The following CPE variants were observed in gnomAD, a reference collection of about 807,000 sequenced individuals.
CPE encodes carboxypeptidase E, also known as carbocypeptidase E.
In CPE, 17 loss-of-function variants were observed where a neutral mutation model predicts 53.5. That is an observed-to-expected ratio of 0.32 (90% CI 0.22 to 0.48). The LOEUF (loss-of-function observed/expected upper bound fraction) is 0.48, where lower values mean the gene tolerates loss of function less well. Among genes scored for constraint, CPE ranks in the 20% least tolerant of loss-of-function variants. CPE has a pLI of 0.99. For missense variants in CPE, 524 were observed against 614.7 expected (o/e 0.85, Z 1.56); for synonymous variants, 226 against 228.8 (o/e 0.99, Z 0.11).
chr4:165,487,644 T>C, intron 6 of CPE, 67 bp downstream of exon 6: 1 of 1,559,408 alleles, frequency 6.4e-7, no homozygotes, highest in Non-Finnish European at 8.8e-7. Flanking sequence ...ACAATGGTCT[T>C]GTAAGAGGAG....
chr4:165,400,972 A>G (rs915570424), intron 1 of CPE, among the ~76,000 whole-genome samples: 14 of 152,160 alleles, frequency 9.2e-5, no homozygotes, highest in African/African-American at 3.4e-4. Context: ...AGTTTGGATG[A>G]TAAATTATGA....
At chr4:165,405,351 C>T in intron 1 of CPE, 3 of 1,423,904 alleles carry the variant, frequency 2.1e-6, no homozygotes, top group East Asian at 4.6e-5. Context: ...CCCATCAAGG[C>T]CTTTGATTCT....
intron 6 of CPE, among the ~76,000 whole-genome samples, chr4:165,490,919 A>G (rs941240363): frequency 2.6e-5 from 4 of 152,226 alleles, no homozygotes; most frequent in Non-Finnish European, 4.4e-5. Context: ...CAGGCACCGC[A>G]AGTGTAGTAA....
At chr4:165,494,275 A>G (rs1732663621) in intron 7 of CPE, among the ~76,000 whole-genome samples, 1 of 152,200 alleles carries the variant, frequency 6.6e-6, no homozygotes, top group Admixed American at 6.5e-5. Flanking sequence ...CTAATATGTC[A>G]TACAAATATT....
intron 3 of CPE, among the ~76,000 whole-genome samples, chr4:165,480,541 C>T (rs1054460055): frequency 1.5e-4 from 23 of 152,314 alleles, no homozygotes; most frequent in African/African-American, 5.1e-4. Flanking sequence ...CCAGCCTCTG[C>T]CAGTACCAGC....
chr4:165,409,995 C>T (rs2126667206), intron 1 of CPE, among the ~76,000 whole-genome samples: 1 of 152,136 alleles, frequency 6.6e-6, no homozygotes. Flanking sequence ...TGCCTGTAAT[C>T]CCAGCACTTT....
At chr4:165,384,442 A>C (rs1166955864) in intron 1 of CPE, among the ~76,000 whole-genome samples, 1 of 152,114 alleles carries the variant, frequency 6.6e-6, no homozygotes, top group African/African-American at 2.4e-5. Context: ...AGGCAACATC[A>C]TGAGATCCTG....
Position 165,464,415 on chromosome 4 carries a change from G to C in CPE, c.333G>C (p.Gly111=), listed in dbSNP as rs1579273842. 1 of 1,609,576 alleles carries C rather than the reference G, an allele frequency of 6.2e-7. No individual in the cohort carries two copies. Among genetic ancestry groups the C allele is most frequent in the African/African-American group, 1.3e-5 (1 of 74,818 alleles). The change falls in exon 2 of 9, where the codon GGG becomes GGC. Residue 111 remains glycine (G), a synonymous_variant. Coordinates refer to ENST00000402744, the MANE Select transcript of CPE (RefSeq NM_001873.4). ...GTGAGCCTGAATTTAAATACATTGG[G>C]AATATGCATGGGAATGAGGCTGTTG... ...EPGEPEFKYI[G]NMHGNEAVGR... is the part of the protein sequence containing the mutation.
chr4:165,404,902 A>T, intron 1 of CPE: 1 of 761,600 alleles, frequency 1.3e-6, no homozygotes, highest in Non-Finnish European at 2.5e-6. Context: ...TGCTGACAGC[A>T]GCGATTTCAC....
intron 1 of CPE, among the ~76,000 whole-genome samples, chr4:165,461,329 C>T (rs1345754111): frequency 2.0e-5 from 3 of 151,854 alleles, no homozygotes; most frequent in Admixed American, 6.6e-5. Context: ...ATTATAGGGA[C>T]GAGCCTCGTG....
At chr4:165,455,844 G>C (rs1178928780) in intron 1 of CPE, among the ~76,000 whole-genome samples, 1 of 152,154 alleles carries the variant, frequency 6.6e-6, no homozygotes, top group African/African-American at 2.4e-5. Flanking sequence ...GTAGAGACAG[G>C]GTTTCACCAT....
chr4:165,489,897 C>T (rs1732571030), intron 6 of CPE, among the ~76,000 whole-genome samples: 1 of 152,186 alleles, frequency 6.6e-6, no homozygotes, highest in South Asian at 2.1e-4. Flanking sequence ...GTCCACAGAT[C>T]CATGTGATCT....
At chr4:165,400,019 G>A (rs1178513906) in intron 1 of CPE, among the ~76,000 whole-genome samples, 2 of 152,200 alleles carry the variant, frequency 1.3e-5, no homozygotes, top group Non-Finnish European at 2.9e-5. Context: ...ATCTTTACAA[G>A]TAGGTCTTTG....
At chr4:165,421,524 CA>C (rs1731220121) in intron 1 of CPE, among the ~76,000 whole-genome samples, 1 of 152,122 alleles carries the variant, frequency 6.6e-6, no homozygotes, top group Non-Finnish European at 1.5e-5. Context: ...CCAAGTTGTC[CA>C]AAAAATCCCG....
intron 1 of CPE, among the ~76,000 whole-genome samples, chr4:165,383,857 A>G (rs1215887542): frequency 2.6e-5 from 4 of 152,246 alleles, no homozygotes; most frequent in Admixed American, 2.6e-4. Flanking sequence ...CCTAGAGAAG[A>G]ATCTAGACCT....
intron 1 of CPE, chr4:165,405,926 G>A: frequency 2.7e-6 from 2 of 730,626 alleles, no homozygotes; most frequent in Non-Finnish European, 5.1e-6. Flanking sequence ...TCCACTGATG[G>A]CAGTCACAAC....
At chr4:165,464,644 A>G (rs1262702635) in intron 2 of CPE, 58 bp downstream of exon 2, 1 of 1,410,470 alleles carries the variant, frequency 7.1e-7, no homozygotes, top group African/African-American at 1.5e-5. Context: ...ATGTTTGTAC[A>G]TACATGTTTA....
At chr4:165,471,643 G>A (rs1732208382) in intron 3 of CPE, among the ~76,000 whole-genome samples, 1 of 152,160 alleles carries the variant, frequency 6.6e-6, no homozygotes, top group East Asian at 1.9e-4. Flanking sequence ...CCAGCCATGG[G>A]TTTCTGCCAT....
intron 1 of CPE, among the ~76,000 whole-genome samples, chr4:165,454,732 G>A (rs1257361076): frequency 6.6e-6 from 1 of 152,186 alleles, no homozygotes; most frequent in African/African-American, 2.4e-5. Flanking sequence ...TTATAATCAT[G>A]TCTTAGTTCA....
Sources: allele counts gnomAD v4.1 joint callset (sites outside exome capture counted in the v4.1 genomes callset), GRCh38; gene constraint gnomAD v4.1.1; transcripts MANE v1.5; gene names NCBI Gene and HGNC (gene_info 2026-07-23, HGNC 2026-07-21).